Variants in PDLIM5 observed in about 807,000 individuals in gnomAD.
PDLIM5 encodes PDZ and LIM domain protein 5.
PDLIM5 carries 34 observed loss-of-function variants against 64.2 expected under a neutral mutation model. The ratio of observed to expected loss-of-function variants is 0.53; its 90% CI spans 0.40 to 0.71. The LOEUF is 0.71. Among genes scored for constraint, PDLIM5 ranks in the 30% least tolerant of loss-of-function variants. The pLI is 0.00. For synonymous variants in PDLIM5, 253 were observed against 269.1 expected (o/e 0.94, Z 0.59); for missense variants, 683 against 733.6 (o/e 0.93, Z 0.80).
At chr4:94,652,568 G>T (rs761545931) in intron 9 of PDLIM5, among the ~76,000 whole-genome samples, 1 of 152,094 alleles carries the variant, frequency 6.6e-6, no homozygotes, top group African/African-American at 2.4e-5. Flanking sequence ...CGTTGAATAG[G>T]ATTGTTATTT....
At position 94,665,154 on chromosome 4, in the gene PDLIM5, AT is replaced by A; in HGVS notation, c.*1091del. The stretch of plus-strand genomic sequence containing the variant: ...GCTAAGGTAAAGATTTAATTAAATA[AT>A]TTTGGCCTCTCATAGTTTTCTCTCT... On this transcript the variant is annotated 3_prime_UTR_variant, in exon 13 of 13. Coordinates refer to ENST00000317968, the MANE Select transcript of PDLIM5 (RefSeq NM_006457.5). 1 of 961,552 alleles carries A rather than the reference AT, an allele frequency of 1.0e-6. No individual in the cohort carries two copies. Among genetic ancestry groups the A allele is most frequent in the Non-Finnish European group, 1.2e-6 (1 of 808,038 alleles). The allele number at this position is 961,552 out of a possible 1,614,324, so 59.6% of individuals were successfully genotyped here.
chr4:94,643,421 T>C (rs771413830), intron 9 of PDLIM5, among the ~76,000 whole-genome samples: 15 of 152,184 alleles, frequency 9.9e-5, no homozygotes, highest in Non-Finnish European at 1.6e-4. Flanking sequence ...GTTGGAGTGC[T>C]AGGATAATAG....
intron 3 of PDLIM5, among the ~76,000 whole-genome samples, chr4:94,529,890 A>C (rs1294440314): frequency 6.6e-6 from 1 of 152,166 alleles, no homozygotes; most frequent in Non-Finnish European, 1.5e-5. Flanking sequence ...TTAAATGTCA[A>C]ATGTGTTTGC....
At chr4:94,544,707 G>A (rs1245770549) in intron 3 of PDLIM5, among the ~76,000 whole-genome samples, 3 of 152,204 alleles carry the variant, frequency 2.0e-5, no homozygotes, top group African/African-American at 7.2e-5. Flanking sequence ...CCAGGCTGGA[G>A]TGCAGTGGCA....
intron 3 of PDLIM5, among the ~76,000 whole-genome samples, chr4:94,536,480 T>C (rs542413043): frequency 3.9e-5 from 6 of 152,218 alleles, no homozygotes; most frequent in Non-Finnish European, 8.8e-5. Flanking sequence ...TGCTCACAAA[T>C]TAAGTGGTAA....
At chr4:94,621,517 C>A (rs1258749190) in intron 8 of PDLIM5, among the ~76,000 whole-genome samples, 1 of 152,134 alleles carries the variant, frequency 6.6e-6, no homozygotes, top group Non-Finnish European at 1.5e-5. Flanking sequence ...GACTAAATTT[C>A]TGAGGTAGAA....
At chr4:94,566,803 G>C (rs544866713) in intron 3 of PDLIM5, among the ~76,000 whole-genome samples, 1 of 152,340 alleles carries the variant, frequency 6.6e-6, no homozygotes, top group Non-Finnish European at 1.5e-5. Context: ...ATTATGAATT[G>C]TGCTTGCTGA....
intron 3 of PDLIM5, among the ~76,000 whole-genome samples, chr4:94,558,825 A>G (rs1289536694): frequency 1.3e-5 from 2 of 151,724 alleles, no homozygotes; most frequent in Non-Finnish European, 2.9e-5. Flanking sequence ...TGTGTGTTGC[A>G]GGGAGGGGGG....
intron 7 of PDLIM5, among the ~76,000 whole-genome samples, chr4:94,596,295 C>T (rs1007602180): frequency 6.6e-6 from 1 of 152,102 alleles, no homozygotes; most frequent in Non-Finnish European, 1.5e-5. Flanking sequence ...TTATAAAAGT[C>T]AGTGTTCGTA....
chr4:94,491,829 T>C (rs986836231), intron 2 of PDLIM5, among the ~76,000 whole-genome samples: 9 of 152,158 alleles, frequency 5.9e-5, no homozygotes, highest in Admixed American at 3.3e-4. Flanking sequence ...TTTTGATATA[T>C]GTAAACAATG....
intron 2 of PDLIM5, chr4:94,455,790 A>C (rs62321995): frequency 1.6e-5 from 25 of 1,518,484 alleles, no homozygotes; most frequent in Non-Finnish European, 2.1e-5. Context: ...AAATTGAATA[A>C]AATGATTGTT....
At position 94,535,835 on chromosome 4, in the gene PDLIM5, C is replaced by CT. The variant is rs10590994; in HGVS notation, c.248+11981dup. On this transcript the variant is annotated intron_variant, in intron 3 of 12. Coordinates refer to ENST00000317968, the MANE Select transcript of PDLIM5 (RefSeq NM_006457.5). The stretch of plus-strand genomic sequence containing the variant: ...GGCTTCTAACCTTACATAAGGTCCT[C>CT]TTTTTTTTTTTTTTTTTTTTTAATG... Among the ~76,000 whole-genome samples, 201 of 122,996 alleles carry CT rather than the reference C, an allele frequency of 1.6e-3. 2 individuals are homozygous for CT. The highest frequency in any genetic ancestry group is 5.9e-3 in the South Asian group (21 of 3,582). 80.7% of individuals were successfully genotyped at this position (122,996 alleles called of 152,430 possible).
chr4:94,505,302 A>G (rs1038192526), intron 2 of PDLIM5, among the ~76,000 whole-genome samples: 3 of 151,462 alleles, frequency 2.0e-5, no homozygotes, highest in African/African-American at 7.3e-5. Flanking sequence ...TCCATCACCC[A>G]GGCTGGAGTG....
intron 8 of PDLIM5, among the ~76,000 whole-genome samples, chr4:94,627,832 C>T (rs952956826): frequency 6.6e-6 from 1 of 152,138 alleles, no homozygotes; most frequent in Non-Finnish European, 1.5e-5. Context: ...CCATCAGCAC[C>T]CTTGGTAGCA....
At chr4:94,631,669 A>G (rs1740158731) in intron 8 of PDLIM5, among the ~76,000 whole-genome samples, 1 of 152,226 alleles carries the variant, frequency 6.6e-6, no homozygotes, top group Admixed American at 6.5e-5. Context: ...CAGTAGGTCC[A>G]TAATAATTAT....
At chr4:94,559,638 C>T (rs1458274629) in intron 3 of PDLIM5, among the ~76,000 whole-genome samples, 4 of 152,094 alleles carry the variant, frequency 2.6e-5, no homozygotes, top group African/African-American at 7.2e-5. Context: ...TTGTGCATGT[C>T]GAAACTGGAA....
At chr4:94,550,432 C>G (rs1359197430) in intron 3 of PDLIM5, among the ~76,000 whole-genome samples, 2 of 152,110 alleles carry the variant, frequency 1.3e-5, no homozygotes, top group African/African-American at 4.8e-5. Context: ...ATGCCATTGT[C>G]CTTGTAAAAT....
intron 9 of PDLIM5, among the ~76,000 whole-genome samples, chr4:94,653,131 G>C (rs1353520429): frequency 2.0e-5 from 3 of 152,106 alleles, no homozygotes; most frequent in African/African-American, 7.2e-5. Context: ...GCTTAGGGAT[G>C]ATAAGTGATG....
Position 94,618,016 on chromosome 4 carries a change from G to A in PDLIM5, c.933G>A (p.Glu311=). 6.4e-7 allele frequency: 1 copy of A among 1,566,168 alleles called. No individual in the cohort carries two copies. ...ATTTCCTTTACAGTAACTCTCAGGA[G>A]CCTTCTCCGCAGTTGGCTTCCTCGG... ...DNTKKANNSQ[E]PSPQLASSVA... Residue 311 remains glutamate (E), a synonymous_variant, in exon 8 of 13, where the codon GAG becomes GAA. Coordinates refer to ENST00000317968, the MANE Select transcript of PDLIM5 (RefSeq NM_006457.5).
Sources: gnomAD v4.1 joint callset for allele counts (sites outside exome capture counted in the v4.1 genomes callset) on GRCh38, gnomAD v4.1.1 for gene constraint, MANE v1.5 for transcripts, NCBI Gene and HGNC (gene_info 2026-07-23, HGNC 2026-07-21) for gene names.